Variants in KCNMA1 observed in about 807,000 individuals in gnomAD.
The protein encoded by KCNMA1 is potassium calcium-activated channel subfamily M alpha 1.
In KCNMA1, 29 loss-of-function variants were observed where a neutral mutation model predicts 140.0. The observed-to-expected ratio is 0.21, with a 90% CI of 0.15 to 0.28. The LOEUF (loss-of-function observed/expected upper bound fraction) is 0.28, where lower values mean the gene tolerates loss of function less well. KCNMA1 is among the 10% of genes least tolerant of loss of function. KCNMA1 has a pLI of 1.00. For missense variants in KCNMA1, 880 were observed against 1,602.2 expected (o/e 0.55, Z 7.70); for synonymous variants, 612 against 611.9 (o/e 1.00, Z 0.00).
chr10:77,185,856 A>G (rs2098845566), intron 3 of KCNMA1, among the ~76,000 whole-genome samples: 1 of 152,120 alleles, frequency 6.6e-6, no homozygotes, highest in Non-Finnish European at 1.5e-5. Flanking sequence ...TTCACATAGT[A>G]TTCTGTGATC....
intron 3 of KCNMA1, among the ~76,000 whole-genome samples, chr10:77,205,270 CT>C (rs2043716331): frequency 6.6e-6 from 1 of 152,070 alleles, no homozygotes. Context: ...GAAGCTGGAC[CT>C]AAACTTGACA....
At chr10:77,025,358 C>T (rs541617999) in intron 16 of KCNMA1, 17 of 1,018,952 alleles carry the variant, frequency 1.7e-5, no homozygotes, top group Admixed American at 6.4e-5. Flanking sequence ...TCTCTCTCTT[C>T]TTGAATTCTT....
chr10:77,252,614 CCA>C (rs537358065), intron 2 of KCNMA1, among the ~76,000 whole-genome samples: 15 of 147,634 alleles, frequency 1.0e-4, no homozygotes, highest in Non-Finnish European at 1.3e-4. Context: ...TTACACCCAC[CCA>C]CACACACACA....
At chr10:77,234,352 C>A (rs1201697526) in intron 3 of KCNMA1, among the ~76,000 whole-genome samples, 2 of 152,200 alleles carry the variant, frequency 1.3e-5, no homozygotes, top group African/African-American at 4.8e-5. Flanking sequence ...TTCTTCCCAG[C>A]ACATGGCATC....
chr10:77,325,575 G>C (rs2083859384), intron 2 of KCNMA1, among the ~76,000 whole-genome samples: 1 of 152,196 alleles, frequency 6.6e-6, no homozygotes, highest in Non-Finnish European at 1.5e-5. Flanking sequence ...TTCAAGGCCA[G>C]TTACCAACAG....
intron 1 of KCNMA1, among the ~76,000 whole-genome samples, chr10:77,550,412 A>G (rs990910796): frequency 6.6e-6 from 1 of 152,098 alleles, no homozygotes; most frequent in African/African-American, 2.4e-5. Flanking sequence ...TGGAAGTCCC[A>G]GGGGCCCTGG....
intron 3 of KCNMA1, among the ~76,000 whole-genome samples, chr10:77,226,315 T>A (rs1250167200): frequency 9.2e-5 from 14 of 152,110 alleles, no homozygotes; most frequent in African/African-American, 3.4e-4. Context: ...TACATCCCTT[T>A]AGCCTACCTA....
intron 3 of KCNMA1, among the ~76,000 whole-genome samples, chr10:77,205,209 C>T (rs923916226): frequency 3.9e-5 from 6 of 152,186 alleles, no homozygotes; most frequent in African/African-American, 1.4e-4. Context: ...AGCCCCAGTT[C>T]GTTCTTCTCT....
At chr10:77,436,430 T>C (rs1215939678) in intron 1 of KCNMA1, among the ~76,000 whole-genome samples, 3 of 149,260 alleles carry the variant, frequency 2.0e-5, no homozygotes, top group Non-Finnish European at 3.0e-5. Flanking sequence ...GTTAACAGAT[T>C]ACTAACCATT....
At chr10:77,228,114 G>A (rs1341175662) in intron 3 of KCNMA1, among the ~76,000 whole-genome samples, 1 of 151,972 alleles carries the variant, frequency 6.6e-6, no homozygotes, top group African/African-American at 2.4e-5. Context: ...ACAGGCACGT[G>A]CCACCACGCC....
intron 14 of KCNMA1, among the ~76,000 whole-genome samples, chr10:77,053,155 G>A (rs751188524): frequency 2.0e-5 from 3 of 151,230 alleles, no homozygotes; most frequent in Non-Finnish European, 3.0e-5. Context: ...TGGGCAAAGA[G>A]ACCCCTCCCT....
chr10:77,434,521 T>G (rs537536881), intron 1 of KCNMA1, among the ~76,000 whole-genome samples: 1 of 152,332 alleles, frequency 6.6e-6, no homozygotes, highest in Admixed American at 6.5e-5. Context: ...ATGCATGTCT[T>G]GGACCATTAT....
chr10:77,311,824 C>G (rs1258104690), intron 2 of KCNMA1, among the ~76,000 whole-genome samples: 1 of 152,176 alleles, frequency 6.6e-6, no homozygotes. Flanking sequence ...TCCATTCCCC[C>G]AGTCATGCTG....
chr10:77,555,240 C>G (rs1301675545), intron 1 of KCNMA1, among the ~76,000 whole-genome samples: 1 of 152,140 alleles, frequency 6.6e-6, no homozygotes. Flanking sequence ...CCTCACAGGC[C>G]AGGGTGACAT....
chr10:77,627,687 C>T (rs2092698031), intron 1 of KCNMA1, among the ~76,000 whole-genome samples: 1 of 152,206 alleles, frequency 6.6e-6, no homozygotes, highest in African/African-American at 2.4e-5. Context: ...TGAAATCTAC[C>T]ATCCACCAAG....
intron 15 of KCNMA1, among the ~76,000 whole-genome samples, chr10:77,034,435 A>G (rs981645578): frequency 2.0e-5 from 3 of 152,322 alleles, no homozygotes; most frequent in South Asian, 2.1e-4. Flanking sequence ...AACTAGCTAC[A>G]GTTTTCACTG....
chr10:77,312,283 T>A (rs2079520623), intron 2 of KCNMA1, among the ~76,000 whole-genome samples: 1 of 151,802 alleles, frequency 6.6e-6, no homozygotes, highest in Admixed American at 6.6e-5. Context: ...GAAAGAGGAG[T>A]GTAGCATGAG....
rs2096325803 is a variant in KCNMA1 at position 77,074,585 on chromosome 10, C to T, written c.1594-1333G>A. Among the ~76,000 whole-genome samples the T allele has an allele frequency of 2.0e-5, 3 of 152,176 alleles. No homozygotes were observed. In the South Asian group the frequency reaches 6.2e-4, roughly 32 times the overall value. On this transcript the variant is annotated intron_variant, in intron 13 of 27. Transcript: ENST00000286628. ...CTGCTGTGTACAAGATTAGGTTTGT[C>T]CTGCTTTGTTCTAGAAGCCAGAATT...
intron 2 of KCNMA1, among the ~76,000 whole-genome samples, chr10:77,300,422 A>T (rs2076261212): frequency 6.6e-6 from 1 of 152,178 alleles, no homozygotes; most frequent in Non-Finnish European, 1.5e-5. Flanking sequence ...TCACAGGTAG[A>T]GTTGTTGTGA....
Sources: allele counts gnomAD v4.1 joint callset (sites outside exome capture counted in the v4.1 genomes callset), GRCh38; gene constraint gnomAD v4.1.1; transcripts MANE v1.5; gene names NCBI Gene and HGNC (gene_info 2026-07-23, HGNC 2026-07-21).